The following TSPAN9 variants were observed in gnomAD, a reference collection of about 807,000 sequenced individuals.
The protein encoded by TSPAN9 is tetraspanin 9.
A neutral mutation model predicts 31.0 loss-of-function variants in TSPAN9; 16 were observed. The ratio of observed to expected loss-of-function variants is 0.52; its 90% CI spans 0.35 to 0.78. TSPAN9 has a LOEUF of 0.78. Ranked by LOEUF, TSPAN9 falls within the 30% of genes least tolerant of loss-of-function variation. TSPAN9 has a pLI of 0.01. For synonymous variants in TSPAN9, 145 were observed against 121.6 expected (o/e 1.19, Z -1.27); for missense variants, 272 against 312.5 (o/e 0.87, Z 0.98).
intron 2 of TSPAN9, among the ~76,000 whole-genome samples, chr12:3,182,942 C>T (rs374617094): frequency 1.8e-4 from 27 of 152,308 alleles, no homozygotes; most frequent in African/African-American, 4.3e-4. Context: ...GCCGCATGGT[C>T]GGAGACAGAT....
chr12:3,100,182 G>GTC (rs1471934058), intron 2 of TSPAN9, among the ~76,000 whole-genome samples: 3 of 152,168 alleles, frequency 2.0e-5, no homozygotes, highest in Non-Finnish European at 2.9e-5. Flanking sequence ...TGTGAACTCT[G>GTC]TCTGGCCCTG....
chr12:3,227,250 C>T (rs533535121), intron 3 of TSPAN9, among the ~76,000 whole-genome samples: 1 of 152,236 alleles, frequency 6.6e-6, no homozygotes, highest in South Asian at 2.1e-4. Flanking sequence ...GACTAAGAGC[C>T]CCAGAGCAGC....
intron 2 of TSPAN9, among the ~76,000 whole-genome samples, chr12:3,128,687 T>C (rs557402916): frequency 6.6e-6 from 1 of 152,304 alleles, no homozygotes; most frequent in African/African-American, 2.4e-5. Context: ...AACCACTCTG[T>C]TCCTCACTAA....
intron 2 of TSPAN9, among the ~76,000 whole-genome samples, chr12:3,129,610 G>A (rs775195643): frequency 1.3e-5 from 2 of 152,140 alleles, no homozygotes; most frequent in Non-Finnish European, 2.9e-5. Flanking sequence ...ATGAAATGGT[G>A]ATGTTGGTGG....
intron 2 of TSPAN9, among the ~76,000 whole-genome samples, chr12:3,105,025 T>C (rs143420742): frequency 8.8e-4 from 134 of 152,330 alleles, no homozygotes; most frequent in African/African-American, 3.0e-3. Flanking sequence ...GGCCCTCTGC[T>C]TTAACTCACT....
chr12:3,152,926 G>A (rs989890067), intron 2 of TSPAN9, among the ~76,000 whole-genome samples: 15 of 152,188 alleles, frequency 9.9e-5, no homozygotes, highest in Non-Finnish European at 1.9e-4. Flanking sequence ...AGAAGACAGG[G>A]ACTCTGAAAC....
intron 2 of TSPAN9, among the ~76,000 whole-genome samples, chr12:3,117,839 T>C (rs1034149545): frequency 6.6e-6 from 1 of 152,166 alleles, no homozygotes; most frequent in South Asian, 2.1e-4. Flanking sequence ...CCTGAGCAGA[T>C]CCAGGTCCCG....
chr12:3,267,893 C>T (rs571511966), intron 3 of TSPAN9, among the ~76,000 whole-genome samples: 2 of 152,210 alleles, frequency 1.3e-5, no homozygotes, highest in African/African-American at 4.8e-5. Context: ...GTAGAGTGCC[C>T]ACCCTGCACA....
At chr12:3,252,380 CGCAGGAATGTTCATCCGTG>C (rs1433904895) in intron 3 of TSPAN9, among the ~76,000 whole-genome samples, 1 of 152,232 alleles carries the variant, frequency 6.6e-6, no homozygotes, top group East Asian at 1.9e-4. Flanking sequence ...GGGAATGGCA[CGCAGGAATGTTCATCCGTG>C]GCAGGTGTGT....
At chr12:3,105,757 C>G (rs2335343) in intron 2 of TSPAN9, among the ~76,000 whole-genome samples, 1 of 132,552 alleles carries the variant, frequency 7.5e-6, no homozygotes, top group South Asian at 3.0e-4. Flanking sequence ...CTCACACACA[C>G]GCACACACGC....
At position 3,206,130 on chromosome 12, in the gene TSPAN9, C is replaced by T. The variant is rs80048403; in HGVS notation, c.63+4874C>T. The T allele has an allele frequency of 1.0e-3, 392 of 377,004 alleles. 1 individual carries two copies. The highest frequency in any genetic ancestry group is 7.4e-3 in the African/African-American group (355 of 48,022). 23.4% of individuals were successfully genotyped at this position (377,004 alleles called of 1,614,324 possible). A position where few individuals can be genotyped will look rare whatever the true frequency, so the allele number is the denominator to read the frequency against. ...CACAGAAAACACCCTCCGGCCTGCT[C>T]CTATCTCCATGTGCCTGGCTGCCCT... On this transcript the variant is annotated intron_variant, in intron 3 of 8. Coordinates refer to ENST00000011898, the MANE Select transcript of TSPAN9 (RefSeq NM_006675.5).
chr12:3,220,885 A>G (rs1316976384), intron 3 of TSPAN9, among the ~76,000 whole-genome samples: 2 of 152,058 alleles, frequency 1.3e-5, no homozygotes, highest in African/African-American at 4.8e-5. Context: ...TGAGGAACAC[A>G]TTGGCCTTTC....
At chr12:3,174,767 A>C (rs2098354209) in intron 2 of TSPAN9, among the ~76,000 whole-genome samples, 1 of 123,302 alleles carries the variant, frequency 8.1e-6, no homozygotes. Context: ...TATTTTTAGT[A>C]GAGACGGGGT....
At chr12:3,216,749 C>T (rs1043557348) in intron 3 of TSPAN9, among the ~76,000 whole-genome samples, 1 of 152,246 alleles carries the variant, frequency 6.6e-6, no homozygotes, top group African/African-American at 2.4e-5. Context: ...TCACCTGCTG[C>T]CTTTCTCTGC....
intron 3 of TSPAN9, among the ~76,000 whole-genome samples, chr12:3,257,274 T>G (rs1862364272): frequency 6.6e-6 from 1 of 151,964 alleles, no homozygotes; most frequent in Non-Finnish European, 1.5e-5. Flanking sequence ...ATGTGGGCAG[T>G]TCTCTGCTCT....
intron 3 of TSPAN9, among the ~76,000 whole-genome samples, chr12:3,248,048 T>C (rs1862173838): frequency 6.6e-6 from 1 of 152,202 alleles, no homozygotes; most frequent in Non-Finnish European, 1.5e-5. Flanking sequence ...TTCCCAGAGA[T>C]GTGCTCAACC....
intron 2 of TSPAN9, among the ~76,000 whole-genome samples, chr12:3,103,373 C>T (rs1479416044): frequency 2.0e-5 from 3 of 152,212 alleles, no homozygotes; most frequent in Non-Finnish European, 4.4e-5. Context: ...TTCCATTCCT[C>T]ACGTGCTTAT....
intron 2 of TSPAN9, among the ~76,000 whole-genome samples, chr12:3,101,218 G>T (rs977715556): frequency 6.6e-6 from 1 of 152,134 alleles, no homozygotes; most frequent in Non-Finnish European, 1.5e-5. Flanking sequence ...ACATGTGTAG[G>T]ATTGAGGACT....
intron 2 of TSPAN9, among the ~76,000 whole-genome samples, chr12:3,094,847 C>CTTTTTTTT (rs61154605): frequency 3.9e-5 from 4 of 101,930 alleles, no homozygotes; most frequent in East Asian, 2.7e-4. Context: ...AATCAATAAT[C>CTTTTTTTT]TTTTTTTTTT....
Sources: gnomAD v4.1 joint callset for allele counts (sites outside exome capture counted in the v4.1 genomes callset) on GRCh38, gnomAD v4.1.1 for gene constraint, MANE v1.5 for transcripts, NCBI Gene and HGNC (gene_info 2026-07-23, HGNC 2026-07-21) for gene names.